Variants in CYP2C19 observed in about 807,000 individuals in gnomAD.
CYP2C19 encodes the protein cytochrome P450 family 2 subfamily C member 19, also known as cytochrome P450 2C19.
CYP2C19 carries 59 observed loss-of-function variants against 40.9 expected under a neutral mutation model. The observed-to-expected ratio is 1.44, with a 90% confidence interval of 1.17 to 1.79. CYP2C19 has a LOEUF of 1.79. Among genes scored for constraint, CYP2C19 ranks in the 40% most tolerant of loss-of-function variants. The pLI is 0.00. For synonymous variants in CYP2C19, 253 were observed against 208.7 expected, an observed-to-expected ratio of 1.21 and a Z score of -1.83; for missense variants, 754 against 596.9, an observed-to-expected ratio of 1.26 and a Z score of -2.74.
intron 5 of CYP2C19, 109 bp downstream of exon 5, chr10:94,782,106 G>A: frequency 1.2e-6 from 1 of 854,840 alleles, no homozygotes; most frequent in Non-Finnish European, 1.7e-6. Flanking sequence ...TAATGCTTGA[G>A]AAGCATATTT....
At position 94,825,770 on chromosome 10, in the gene CYP2C19, C is replaced by G. The variant is rs1458932990; in HGVS notation, c.961+5133C>G. On this transcript the variant is annotated intron_variant, in intron 6 of 8. Coordinates refer to ENST00000371321, the MANE Select transcript of CYP2C19 (RefSeq NM_000769.4). ...TGAATGGTAATGCCTAGGTTTTCTTCTAGGGTTTTTATGGTTTTAGGTCTA... is the reference window on the plus strand; with the variant it reads ...TGAATGGTAATGCCTAGGTTTTCTTGTAGGGTTTTTATGGTTTTAGGTCTA... Among the ~76,000 whole-genome samples the G allele has an allele frequency of 1.4e-4, 16 of 112,308 alleles. 1 individual carries two copies. Among genetic ancestry groups the G allele is most frequent in the Non-Finnish European group, 1.8e-4 (10 of 54,532 alleles). The allele number at this position is 112,308 out of a possible 152,430, so 73.7% of individuals were successfully genotyped here.
chr10:94,800,834 G>A (rs890922136), intron 5 of CYP2C19, among the ~76,000 whole-genome samples: 1 of 152,216 alleles, frequency 6.6e-6, no homozygotes, highest in Admixed American at 6.5e-5. Flanking sequence ...CCAGGCACGG[G>A]AGAGAATCTT....
chr10:94,808,173 A>G (rs896205337), intron 5 of CYP2C19, among the ~76,000 whole-genome samples: 1 of 152,128 alleles, frequency 6.6e-6, no homozygotes, highest in Non-Finnish European at 1.5e-5. Context: ...AATGTTTGCT[A>G]TAAAGGCATG....
intron 6 of CYP2C19, among the ~76,000 whole-genome samples, chr10:94,827,610 A>G (rs926501655): frequency 6.6e-6 from 1 of 152,100 alleles, no homozygotes; most frequent in Non-Finnish European, 1.5e-5. Context: ...TTTCAAAAAA[A>G]CCAGCTCCTG....
rs1444193212 is a variant in CYP2C19, at chr10:94,855,400, C to T, written c.*2486C>T. On this transcript the variant is annotated 3_prime_UTR_variant, in exon 9 of 9. Transcript: ENST00000371321. ...AAAGTAGAAGTTGCTAACAACTTTG[C>T]TAATTCTCTGCATTTATTTTTATTG... 2.0e-5 allele frequency among the ~76,000 whole-genome samples: 3 copies of T among 152,172 alleles called. No homozygotes were observed. The highest frequency in any genetic ancestry group is 4.4e-5 in the Non-Finnish European group (3 of 68,038).
At chr10:94,786,434 T>C (rs987451121) in intron 5 of CYP2C19, among the ~76,000 whole-genome samples, 2 of 152,092 alleles carry the variant, frequency 1.3e-5, no homozygotes, top group Non-Finnish European at 2.9e-5. Flanking sequence ...AGGGTCTGGT[T>C]TAGTTTGAAA....
chr10:94,796,678 T>C (rs1315427599), intron 5 of CYP2C19, among the ~76,000 whole-genome samples: 1 of 152,182 alleles, frequency 6.6e-6, no homozygotes, highest in Non-Finnish European at 1.5e-5. Context: ...CATTGAGCAG[T>C]GGTTTGTAGT....
intron 6 of CYP2C19, among the ~76,000 whole-genome samples, chr10:94,842,393 G>T (rs1203160884): frequency 8.1e-5 from 7 of 86,904 alleles, no homozygotes; most frequent in South Asian, 4.0e-4. Context: ...TTTAAGTGAA[G>T]TTTTTTTTTT....
intron 5 of CYP2C19, among the ~76,000 whole-genome samples, chr10:94,818,856 T>C (rs1392268440): frequency 1.3e-5 from 2 of 151,992 alleles, no homozygotes; most frequent in Admixed American, 6.6e-5. Context: ...TTTGACTTCC[T>C]CTTTTCCTAA....
At chr10:94,776,287 T>C (rs1471582176) in intron 3 of CYP2C19, 1 of 152,188 alleles carries the variant, frequency 6.6e-6, no homozygotes, top group African/African-American at 2.4e-5. Context: ...CTGTAATTTT[T>C]ATTCCTTAAG....
intron 1 of CYP2C19, 163 bp from the exon 2 acceptor site, chr10:94,774,895 G>C: frequency 1.3e-6 from 1 of 756,094 alleles, no homozygotes; most frequent in Non-Finnish European, 2.1e-6. Context: ...TGAGTGGCAA[G>C]TATAATAATC....
intron 6 of CYP2C19, among the ~76,000 whole-genome samples, chr10:94,841,768 A>T: frequency 6.6e-6 from 1 of 152,180 alleles, no homozygotes; most frequent in Non-Finnish European, 1.5e-5. Context: ...ATTCATGAGC[A>T]TATTGTTTAA....
intron 3 of CYP2C19, 162 bp downstream of exon 3, chr10:94,775,701 T>G (rs1402899078): frequency 8.5e-7 from 1 of 1,181,350 alleles, no homozygotes; most frequent in Admixed American, 2.0e-5. Flanking sequence ...AATTTGCACA[T>G]GTTTGTGCTG....
intron 1 of CYP2C19, among the ~76,000 whole-genome samples, chr10:94,763,700 T>C (rs555861422): frequency 3.8e-4 from 58 of 151,696 alleles, no homozygotes; most frequent in African/African-American, 1.3e-3. Flanking sequence ...CAGGGCAAGA[T>C]TGGTGGGGCT....
chr10:94,797,904 G>C (rs879687606), intron 5 of CYP2C19, among the ~76,000 whole-genome samples: 16 of 151,836 alleles, frequency 1.1e-4, no homozygotes, highest in Non-Finnish European at 2.2e-4. Flanking sequence ...AGTCTTCCTA[G>C]TGGTCTATCA....
intron 6 of CYP2C19, among the ~76,000 whole-genome samples, chr10:94,823,877 A>T (rs887699795): frequency 1.3e-5 from 2 of 152,186 alleles, no homozygotes; most frequent in African/African-American, 4.8e-5. Context: ...CTCATATAGG[A>T]CAATGAGAGT....
chr10:94,806,473 T>G (rs915384900), intron 5 of CYP2C19, among the ~76,000 whole-genome samples: 7 of 152,166 alleles, frequency 4.6e-5, no homozygotes, highest in African/African-American at 1.4e-4. Flanking sequence ...TCGAACGTCT[T>G]AATGTTTTTC....
intron 5 of CYP2C19, among the ~76,000 whole-genome samples, chr10:94,786,453 T>G (rs1269587864): frequency 6.6e-6 from 1 of 152,136 alleles, no homozygotes; most frequent in Non-Finnish European, 1.5e-5. Flanking sequence ...AAGGCAAGTT[T>G]ACCTTAAATT....
intron 5 of CYP2C19, among the ~76,000 whole-genome samples, chr10:94,813,399 G>C (rs940758175): frequency 6.6e-6 from 1 of 151,824 alleles, no homozygotes; most frequent in Non-Finnish European, 1.5e-5. Context: ...CTTCTTCCAG[G>C]TTCTCAGTAC....
Sources: allele counts gnomAD v4.1 joint callset (sites outside exome capture counted in the v4.1 genomes callset), GRCh38; gene constraint gnomAD v4.1.1; transcripts MANE v1.5; gene names NCBI Gene and HGNC (gene_info 2026-07-23, HGNC 2026-07-21).